The following GHR variants were observed in gnomAD, a reference collection of about 807,000 sequenced individuals.
GHR encodes GH receptor.
In GHR, 35 loss-of-function variants were observed where a neutral mutation model predicts 67.1. That is an observed-to-expected ratio of 0.52 (90% CI 0.40 to 0.69). GHR has a LOEUF of 0.69. Among genes scored for constraint, GHR ranks in the 30% least tolerant of loss-of-function variants. The pLI, the probability that GHR is intolerant of heterozygous loss-of-function variation, is 0.00. For synonymous variants in GHR, 272 were observed against 269.1 expected (o/e 1.01, Z -0.10); for missense variants, 792 against 764.6 (o/e 1.04, Z -0.42).
intron 1 of GHR, among the ~76,000 whole-genome samples, chr5:42,427,396 A>C (rs922054800): frequency 2.0e-5 from 3 of 152,204 alleles, no homozygotes; most frequent in African/African-American, 7.2e-5. Context: ...CCTTTATAGA[A>C]CCATCAGATC....
At chr5:42,460,222 C>A (rs1744431867) in intron 1 of GHR, among the ~76,000 whole-genome samples, 1 of 152,186 alleles carries the variant, frequency 6.6e-6, no homozygotes, top group African/African-American at 2.4e-5. Context: ...ACTTCCCGAC[C>A]TCCAGAACTG....
intron 4 of GHR, among the ~76,000 whole-genome samples, chr5:42,694,622 C>T (rs552169257): frequency 3.9e-5 from 6 of 152,286 alleles, no homozygotes; most frequent in Admixed American, 3.3e-4. Flanking sequence ...ATCTATACAA[C>T]TGGCATAATA....
Position 42,719,469 on chromosome 5 carries a change from T to C in GHR, c.*45T>C. The C allele has an allele frequency of 6.3e-7, 1 of 1,576,444 alleles. No homozygotes were observed. On this transcript the variant is annotated 3_prime_UTR_variant, in exon 10 of 10. Transcript: ENST00000230882. The stretch of plus-strand genomic sequence containing the variant: ...GAGCTACGTATTTAATAGCAAAGAA[T>C]TGACTGGGGCAATAACGTTTAAGCC...
At chr5:42,711,484 G>A (rs936752062) in intron 7 of GHR, 112 bp downstream of exon 7, 15 of 772,836 alleles carry the variant, frequency 1.9e-5, no homozygotes, top group Non-Finnish European at 2.8e-5. Flanking sequence ...ATTAACATCA[G>A]ATATCAGGAT....
intron 2 of GHR, among the ~76,000 whole-genome samples, chr5:42,585,433 G>A (rs1454461324): frequency 2.3e-5 from 2 of 88,386 alleles, no homozygotes. Context: ...AGGATGTAGG[G>A]CATGTCTGAC....
intron 3 of GHR, among the ~76,000 whole-genome samples, chr5:42,638,993 G>A (rs889181650): frequency 6.6e-6 from 1 of 152,146 alleles, no homozygotes; most frequent in Non-Finnish European, 1.5e-5. Context: ...TGTGGCTCAC[G>A]ACTGTAATAG....
At chr5:42,592,652 C>G (rs1254962184) in intron 2 of GHR, among the ~76,000 whole-genome samples, 1 of 152,084 alleles carries the variant, frequency 6.6e-6, no homozygotes, top group Non-Finnish European at 1.5e-5. Context: ...TTTTCTTTAT[C>G]CAGTCTACTG....
chr5:42,478,822 C>G (rs1049798817), intron 1 of GHR, among the ~76,000 whole-genome samples: 2 of 152,068 alleles, frequency 1.3e-5, no homozygotes, highest in Non-Finnish European at 2.9e-5. Context: ...TAATCATGTC[C>G]TCTGCAAACA....
Position 42,718,233 on chromosome 5 carries a change from G to A in GHR, c.945+112G>A, listed in dbSNP as rs4866793. ...TATATATCACATTCAATTTTCTTGT[G>A]TCTCTTCTCCTGGAGAAAATTTTTT... is the stretch of plus-strand genomic sequence containing the variant. On this transcript the variant is annotated intron_variant, in intron 9 of 9. Coordinates refer to ENST00000230882, the MANE Select transcript of GHR (RefSeq NM_000163.5). 0.78 allele frequency: 573,354 copies of A among 734,372 alleles called. 225,780 individuals carry two copies. Among genetic ancestry groups the A allele is most frequent in the East Asian group, 1 (37,511 of 37,528 alleles). 45.5% of individuals were successfully genotyped at this position (734,372 alleles called of 1,614,324 possible).
intron 8 of GHR, among the ~76,000 whole-genome samples, chr5:42,714,619 A>G (rs954389021): frequency 1.1e-4 from 16 of 152,304 alleles, no homozygotes; most frequent in Admixed American, 4.6e-4. Context: ...CTTCATGTCC[A>G]ATTTTATAAT....
intron 6 of GHR, among the ~76,000 whole-genome samples, chr5:42,709,091 A>G (rs753938510): frequency 1.3e-5 from 2 of 152,196 alleles, no homozygotes; most frequent in African/African-American, 4.8e-5. Flanking sequence ...CGCTTGCATC[A>G]GGAATTCATG....
At chr5:42,598,446 G>T (rs2112622495) in intron 2 of GHR, among the ~76,000 whole-genome samples, 1 of 152,364 alleles carries the variant, frequency 6.6e-6, no homozygotes, top group East Asian at 1.9e-4. Flanking sequence ...TGCACAGGCT[G>T]CTGGGTAGGG....
rs189144833 is a variant in GHR, at chr5:42,556,110, C to G, written c.-11-9754C>G. On this transcript the variant is annotated intron_variant, in intron 1 of 9. Transcript: ENST00000230882. ...CAAAGAATAACTTTACCATGTTGGA[C>G]TCGATAAAAGGAAAGAGGGGTTTCC... 4.2e-3 allele frequency among the ~76,000 whole-genome samples: 645 copies of G among 152,186 alleles called. 7 individuals are homozygous for G. The highest frequency in any genetic ancestry group is 0.014 in the African/African-American group (594 of 41,534).
chr5:42,459,925 G>A (rs1004830846), intron 1 of GHR, among the ~76,000 whole-genome samples: 1 of 152,162 alleles, frequency 6.6e-6, no homozygotes, highest in Non-Finnish European at 1.5e-5. Flanking sequence ...TTAGCCACGT[G>A]TCATGGACTC....
Position 42,561,173 on chromosome 5 carries a change from A to G in GHR, c.-11-4691A>G, listed in dbSNP as rs1044087719. The stretch of plus-strand genomic sequence containing the variant: ...TCACCACAGTTTCTCTCCCTTTTCC[A>G]TATCCACCAAAGCCTTATCTGTCAT... On this transcript the variant is annotated intron_variant, in intron 1 of 9. Coordinates refer to ENST00000230882, the MANE Select transcript of GHR (RefSeq NM_000163.5). Among the ~76,000 whole-genome samples, 10 of 152,290 alleles carry G rather than the reference A, an allele frequency of 6.6e-5. 1 individual carries two copies.
In GHR at chr5:42,631,278, T is replaced by C. The variant is rs1306940988; in HGVS notation, c.136+2175T>C. Among the ~76,000 whole-genome samples, 3 of 152,182 alleles carry C rather than the reference T, an allele frequency of 2.0e-5. No homozygotes were observed. In the East Asian group the frequency reaches 5.8e-4, roughly 29 times the overall value. The stretch of plus-strand genomic sequence containing the variant: ...ACGTAAGACGACTAGCTAATTATCA[T>C]TCATATGTGGTAAGTCACATAGATA... On this transcript the variant is annotated intron_variant, in intron 3 of 9. Transcript: ENST00000230882.
rs1056860168 is a variant in GHR, at chr5:42,424,549, G to C, written c.-12+594G>C. On this transcript the variant is annotated intron_variant, in intron 1 of 9. Coordinates refer to ENST00000230882, the MANE Select transcript of GHR (RefSeq NM_000163.5). This position sits in a 1 kb window ranked among gnomAD's most constrained non-coding sequence, Gnocchi z 4.1. ...CGGGCCGCAGCCGCACGTTGGCACC[G>C]ATGGAACTGGGGTCAGTAGAGTGAC... 22 of 1,530,422 alleles carry C rather than the reference G, an allele frequency of 1.4e-5. No individual in the cohort carries two copies. The Admixed American group carries it at 2.9e-4, about 20-fold the overall frequency. The allele number at this position is 1,530,422 out of a possible 1,614,324, so 94.8% of individuals were successfully genotyped here. A position where few individuals can be genotyped will look rare whatever the true frequency, so the allele number is the denominator to read the frequency against.
rs902245427 is a variant in GHR at position 42,528,499 on chromosome 5, C to T, written c.-11-37365C>T. ...CTACAGTCTCATGATAAAACTTGAA[C>T]AGATGAGGAATCACTTCTTATGGAT... On this transcript the variant is annotated intron_variant, in intron 1 of 9. Coordinates refer to ENST00000230882, the MANE Select transcript of GHR (RefSeq NM_000163.5). Among the ~76,000 whole-genome samples, 3 of 152,272 alleles carry T rather than the reference C, an allele frequency of 2.0e-5. No individual in the cohort carries two copies. The South Asian group carries it at 6.2e-4, about 32-fold the overall frequency.
intron 7 of GHR, among the ~76,000 whole-genome samples, chr5:42,712,088 G>A (rs1362230360): frequency 6.6e-6 from 1 of 152,094 alleles, no homozygotes; most frequent in Non-Finnish European, 1.5e-5. Flanking sequence ...ATTCTCAAAT[G>A]GGAAATGGCT....
Sources: gnomAD v4.1 joint callset for allele counts (sites outside exome capture counted in the v4.1 genomes callset) on GRCh38, gnomAD v4.1.1 for gene constraint, Gnocchi (gnomAD v3.1) non-coding constraint, MANE v1.5 for transcripts, NCBI Gene and HGNC (gene_info 2026-07-23, HGNC 2026-07-21) for gene names.